The following HYCC2 variants were observed in gnomAD, a reference collection of about 807,000 sequenced individuals.
The protein encoded by HYCC2 is hyccin PI4KA lipid kinase complex subunit 2, also known as hyccin 2.
chr2:201,034,597 C>G, the HYCC2 span, among the ~76,000 whole-genome samples: 1 of 152,052 alleles, frequency 6.6e-6, no homozygotes, highest in Non-Finnish European at 1.5e-5. Flanking sequence ...GAGGATTTAG[C>G]CCATTTACAT....
chr2:201,016,160 TTAA>T, the HYCC2 span, among the ~76,000 whole-genome samples: 1 of 152,018 alleles, frequency 6.6e-6, no homozygotes, highest in Non-Finnish European at 1.5e-5. Flanking sequence ...AAATAAAATA[TTAA>T]TAATACAATC....
the HYCC2 span, among the ~76,000 whole-genome samples, chr2:201,020,412 AGTAGACAGAGGC>A: frequency 5.1e-4 from 77 of 152,358 alleles, 1 homozygote; most frequent in Admixed American, 2.0e-4. Context: ...AATGGAGACA[AGTAGACAGAGGC>A]TATGAATAAG....
the HYCC2 span, chr2:201,009,101 G>A: frequency 2.0e-6 from 3 of 1,467,860 alleles, no homozygotes; most frequent in Non-Finnish European, 2.9e-6. Context: ...ACAAAAATAA[G>A]GTACAGTATG....
the HYCC2 span, chr2:200,992,310 G>C: frequency 6.2e-7 from 1 of 1,611,194 alleles, no homozygotes; most frequent in Non-Finnish European, 8.5e-7. Flanking sequence ...AGCTCTAGCT[G>C]GGCTCTATAA....
chr2:201,046,724 A>T, the HYCC2 span, among the ~76,000 whole-genome samples: 1 of 152,194 alleles, frequency 6.6e-6, no homozygotes. Context: ...AAAAGGCCAA[A>T]TGACAAGAAC....
the HYCC2 span, chr2:201,017,109 T>C: frequency 2.5e-6 from 4 of 1,614,044 alleles, no homozygotes; most frequent in East Asian, 8.9e-5. Flanking sequence ...TGTGAACCTC[T>C]TAAGTCGAAC....
At chr2:201,028,319 A>C in the HYCC2 span, among the ~76,000 whole-genome samples, 1 of 152,190 alleles carries the variant, frequency 6.6e-6, no homozygotes, top group African/African-American at 2.4e-5. Flanking sequence ...AAGAGGGCAC[A>C]AAAAAATGGA....
At chr2:201,005,216 T>C in the HYCC2 span, among the ~76,000 whole-genome samples, 16 of 152,076 alleles carry the variant, frequency 1.1e-4, no homozygotes, top group African/African-American at 3.9e-4. Flanking sequence ...TTCATGACTG[T>C]GTACTTAACC....
chr2:200,978,439 GATAA>G, the HYCC2 span: 10 of 137,522 alleles, frequency 7.3e-5, no homozygotes, highest in Admixed American at 1.6e-4. Flanking sequence ...TATACATACA[GATAA>G]ATAAAATCCT....
At chr2:201,019,242 G>A in the HYCC2 span, among the ~76,000 whole-genome samples, 3 of 152,068 alleles carry the variant, frequency 2.0e-5, no homozygotes, top group African/African-American at 7.2e-5. Flanking sequence ...TATGGGCCAT[G>A]GTACAATTAT....
the HYCC2 span, among the ~76,000 whole-genome samples, chr2:201,061,985 G>A: frequency 6.6e-6 from 1 of 151,976 alleles, no homozygotes; most frequent in African/African-American, 2.4e-5. Context: ...CATGCCTGTG[G>A]TCCCAAATAC....
the HYCC2 span, among the ~76,000 whole-genome samples, chr2:200,995,147 A>G: frequency 1.2e-4 from 19 of 152,246 alleles, no homozygotes; most frequent in Admixed American, 1.0e-3. Flanking sequence ...TAAGTGCTTA[A>G]GTAGCATCTA....
chr2:201,016,819 C>T, the HYCC2 span, among the ~76,000 whole-genome samples: 1 of 152,020 alleles, frequency 6.6e-6, no homozygotes, highest in East Asian at 1.9e-4. Flanking sequence ...AGGCTGGTCT[C>T]GAACTCCTGA....
At chr2:200,992,187 T>A in the HYCC2 span, 1 of 813,680 alleles carries the variant, frequency 1.2e-6, no homozygotes, top group Non-Finnish European at 2.0e-6. Flanking sequence ...GGAATACAAA[T>A]TTTCCCCTAA....
At chr2:201,028,754 T>C in the HYCC2 span, among the ~76,000 whole-genome samples, 1 of 152,316 alleles carries the variant, frequency 6.6e-6, no homozygotes, top group Admixed American at 6.5e-5. Flanking sequence ...GAAATCTGGA[T>C]AGCCAAATGT....
the HYCC2 span, among the ~76,000 whole-genome samples, chr2:200,999,768 T>C: frequency 1.3e-5 from 2 of 148,660 alleles, no homozygotes; most frequent in Non-Finnish European, 1.5e-5. Flanking sequence ...AAAGAGACTA[T>C]AAAGAAATAG....
the HYCC2 span, among the ~76,000 whole-genome samples, chr2:201,000,057 CAAAAAAAAA>C: frequency 1.2e-4 from 4 of 34,736 alleles, no homozygotes; most frequent in Non-Finnish European, 2.2e-4. Context: ...GACTCCGTCT[CAAAAAAAAA>C]AAAAAAAAAA....
the HYCC2 span, among the ~76,000 whole-genome samples, chr2:201,019,559 C>G: frequency 6.6e-6 from 1 of 151,940 alleles, no homozygotes; most frequent in African/African-American, 2.4e-5. Flanking sequence ...TTCAGACCAG[C>G]CTGCACAATG....
the HYCC2 span, among the ~76,000 whole-genome samples, chr2:200,984,137 T>C: frequency 1.9e-4 from 29 of 152,184 alleles, no homozygotes; most frequent in Non-Finnish European, 3.8e-4. Context: ...CCTCCCAGGC[T>C]CAAGTGATCC....
Sources: gnomAD v4.1 joint callset for allele counts (sites outside exome capture counted in the v4.1 genomes callset) on GRCh38, gnomAD v4.1.1 for gene constraint, MANE v1.5 for transcripts, NCBI Gene and HGNC (gene_info 2026-07-23, HGNC 2026-07-21) for gene names.